Variants in KCNMB2 observed in about 807,000 individuals in gnomAD.
The protein encoded by KCNMB2 is potassium calcium-activated channel subfamily M regulatory beta subunit 2.
Under a neutral mutation model 24.5 loss-of-function variants are expected in KCNMB2, and 9 were observed. That is an observed-to-expected ratio of 0.37 (90% CI 0.22 to 0.64). The LOEUF (loss-of-function observed/expected upper bound fraction) is 0.64. Among genes scored for constraint, KCNMB2 ranks in the 30% least tolerant of loss-of-function variants. The pLI is 0.63. For missense variants in KCNMB2, 226 were observed against 284.3 expected, an observed-to-expected ratio of 0.79 and a Z score of 1.47; for synonymous variants, 109 against 104.4, an observed-to-expected ratio of 1.04 and a Z score of -0.27.
At chr3:178,707,810 A>G (rs1232391003) in intron 1 of KCNMB2, among the ~76,000 whole-genome samples, 1 of 152,182 alleles carries the variant, frequency 6.6e-6, no homozygotes, top group African/African-American at 2.4e-5. Context: ...GTAAGGGGCT[A>G]ATTTAAAAGA....
intron 1 of KCNMB2, among the ~76,000 whole-genome samples, chr3:178,598,337 C>G (rs892014873): frequency 3.9e-5 from 6 of 152,122 alleles, no homozygotes; most frequent in African/African-American, 1.4e-4. Context: ...CTGTAAAGCA[C>G]TAGAGAATAC....
chr3:178,812,991 C>A (rs542402601), intron 2 of KCNMB2, among the ~76,000 whole-genome samples: 1 of 151,940 alleles, frequency 6.6e-6, no homozygotes, highest in Non-Finnish European at 1.5e-5. Flanking sequence ...ACCTATCGCA[C>A]TTCCCAAAAA....
At chr3:178,698,547 T>G (rs952533632) in intron 1 of KCNMB2, among the ~76,000 whole-genome samples, 14 of 152,338 alleles carry the variant, frequency 9.2e-5, no homozygotes, top group African/African-American at 2.9e-4. Context: ...CTTCATTGCA[T>G]TGGGTTTCAA....
intron 1 of KCNMB2, among the ~76,000 whole-genome samples, chr3:178,804,523 T>C (rs1713890237): frequency 6.6e-6 from 1 of 152,210 alleles, no homozygotes; most frequent in African/African-American, 2.4e-5. Context: ...ACTAAGTCCT[T>C]TCCAACAAGA....
At chr3:178,619,510 G>A (rs755069030) in intron 1 of KCNMB2, among the ~76,000 whole-genome samples, 4 of 152,014 alleles carry the variant, frequency 2.6e-5, no homozygotes, top group Admixed American at 6.6e-5. Flanking sequence ...ATCAAATTTG[G>A]AGTAATTGGA....
chr3:178,807,573 T>G, intron 2 of KCNMB2, 108 bp downstream of exon 2: 1 of 916,000 alleles, frequency 1.1e-6, no homozygotes, highest in Non-Finnish European at 1.8e-6. Context: ...CTTTGCAATG[T>G]GGGGACAGAC....
At position 178,637,065 on chromosome 3, in the gene KCNMB2, T is replaced by C. The variant is rs1025389607; in HGVS notation, c.-68+100354T>C. 1.0e-3 allele frequency among the ~76,000 whole-genome samples: 158 copies of C among 152,286 alleles called. 1 individual carries two copies. The highest frequency in any genetic ancestry group is 9.8e-4 in the Admixed American group (15 of 15,298). Reference sequence around the variant, plus strand: ...TTTTTTGTGGCTGCATAGTATTCCATGGTGTATACGTACCATATTTTGTTT... The same window carrying C: ...TTTTTTGTGGCTGCATAGTATTCCACGGTGTATACGTACCATATTTTGTTT... On this transcript the variant is annotated intron_variant, in intron 1 of 4. Transcript: ENST00000452583.
intron 1 of KCNMB2, among the ~76,000 whole-genome samples, chr3:178,594,756 A>AT (rs1336992002): frequency 6.6e-6 from 1 of 152,110 alleles, no homozygotes; most frequent in Non-Finnish European, 1.5e-5. Context: ...GTGAGTATAG[A>AT]TAAAAAAGAG....
intron 1 of KCNMB2, among the ~76,000 whole-genome samples, chr3:178,758,132 A>C (rs1435915501): frequency 3.1e-5 from 2 of 63,740 alleles, no homozygotes; most frequent in South Asian, 5.8e-4. Context: ...ATATGTACAC[A>C]CAAGAGGATA....
chr3:178,686,341 A>T (rs1384229426), intron 1 of KCNMB2, among the ~76,000 whole-genome samples: 1 of 152,202 alleles, frequency 6.6e-6, no homozygotes, highest in Non-Finnish European at 1.5e-5. Context: ...TAAAGTTGGT[A>T]GTCATGAAGA....
At chr3:178,802,235 C>T (rs112600412) in intron 1 of KCNMB2, among the ~76,000 whole-genome samples, 8 of 152,248 alleles carry the variant, frequency 5.3e-5, no homozygotes, top group African/African-American at 1.9e-4. Context: ...CTTAGAGTGA[C>T]CTTTTGAGTT....
intron 1 of KCNMB2, among the ~76,000 whole-genome samples, chr3:178,709,015 C>G (rs1722367551): frequency 6.6e-6 from 1 of 152,144 alleles, no homozygotes. Context: ...AGAAGCTTAA[C>G]TCCTCTTATA....
chr3:178,828,920 G>GGT (rs1156446142), intron 4 of KCNMB2, among the ~76,000 whole-genome samples: 3 of 136,524 alleles, frequency 2.2e-5, no homozygotes, highest in African/African-American at 8.5e-5. Context: ...TTCAACCCAT[G>GGT]GTCACTGTGT....
intron 1 of KCNMB2, among the ~76,000 whole-genome samples, chr3:178,604,729 T>C (rs1718212790): frequency 1.3e-5 from 2 of 152,232 alleles, no homozygotes; most frequent in Admixed American, 6.5e-5. Flanking sequence ...TAGTGACTAA[T>C]GATACTCATT....
chr3:178,553,093 A>C (rs1401445436), intron 1 of KCNMB2, among the ~76,000 whole-genome samples: 1 of 152,244 alleles, frequency 6.6e-6, no homozygotes, highest in Non-Finnish European at 1.5e-5. Context: ...CATAATCACA[A>C]AAGAAAATCA....
intron 1 of KCNMB2, among the ~76,000 whole-genome samples, chr3:178,689,810 C>A (rs1178590084): frequency 1.3e-5 from 2 of 152,140 alleles, no homozygotes; most frequent in African/African-American, 4.8e-5. Context: ...TGGGTCTTCT[C>A]ACTCTAGTGA....
At chr3:178,679,324 G>A (rs755248865) in intron 1 of KCNMB2, among the ~76,000 whole-genome samples, 1 of 152,056 alleles carries the variant, frequency 6.6e-6, no homozygotes, top group Non-Finnish European at 1.5e-5. Context: ...TGGAACTCCT[G>A]GGCTCAAGTG....
At chr3:178,567,256 T>C (rs1716560791) in intron 1 of KCNMB2, among the ~76,000 whole-genome samples, 1 of 152,132 alleles carries the variant, frequency 6.6e-6, no homozygotes, top group Non-Finnish European at 1.5e-5. Flanking sequence ...TGTGTCTAAA[T>C]AGCTCACTTA....
rs547437809 is a variant in KCNMB2 at position 178,825,248 on chromosome 3, A to G, written c.57-340A>G. 2.0e-5 allele frequency among the ~76,000 whole-genome samples: 3 copies of G among 152,372 alleles called. No individual in the cohort carries two copies. In the South Asian group the frequency reaches 6.2e-4, roughly 32 times the overall value. On this transcript the variant is annotated intron_variant, in intron 2 of 4. Transcript: ENST00000452583. Reference sequence around the variant, plus strand: ...AGATTTGGGTTAAATGGTAAAGTCAACAAACCCAAAGCATTATTTTGAGGG... The same window carrying G: ...AGATTTGGGTTAAATGGTAAAGTCAGCAAACCCAAAGCATTATTTTGAGGG...
Sources: gnomAD v4.1 joint callset for allele counts (sites outside exome capture counted in the v4.1 genomes callset) on GRCh38, gnomAD v4.1.1 for gene constraint, MANE v1.5 for transcripts, NCBI Gene and HGNC (gene_info 2026-07-23, HGNC 2026-07-21) for gene names.